The following CYP7B1 variants were observed in gnomAD, a reference collection of about 807,000 sequenced individuals.
The protein encoded by CYP7B1 is cytochrome P450 7B1.
CYP7B1 carries 29 observed loss-of-function variants against 42.7 expected under a neutral mutation model. That is an observed-to-expected ratio of 0.68 (90% CI 0.51 to 0.93). The LOEUF (loss-of-function observed/expected upper bound fraction) is 0.93. Among genes scored for constraint, CYP7B1 ranks in the 40% least tolerant of loss-of-function variants. The pLI, the probability that CYP7B1 is intolerant of heterozygous loss-of-function variation, is 0.00. For synonymous variants in CYP7B1, 235 were observed against 218.2 expected (o/e 1.08, Z -0.68); for missense variants, 655 against 600.5 (o/e 1.09, Z -0.95).
At position 64,594,969 on chromosome 8, in the gene CYP7B1, A is replaced by G. The variant is rs1805095422; in HGVS notation, c.*1673T>C. The stretch of plus-strand genomic sequence containing the variant: ...CAAGCATGAGAAACAGAAAGAAACT[A>G]AGAACATCAAAGACAAAGAGGACAC... On this transcript the variant is annotated 3_prime_UTR_variant, in exon 6 of 6. Transcript: ENST00000310193. Among the ~76,000 whole-genome samples the G allele has an allele frequency of 6.6e-6, 1 of 152,222 alleles. No homozygotes were observed. Among genetic ancestry groups the G allele is most frequent in the Non-Finnish European group, 1.5e-5 (1 of 68,038 alleles).
intron 1 of CYP7B1, among the ~76,000 whole-genome samples, chr8:64,663,556 G>C (rs1425472519): frequency 6.6e-6 from 1 of 152,156 alleles, no homozygotes; most frequent in Non-Finnish European, 1.5e-5. Context: ...TTTTCTAAAA[G>C]ATGCATAAAA....
intron 1 of CYP7B1, among the ~76,000 whole-genome samples, chr8:64,724,907 C>A (rs1032674602): frequency 1.2e-4 from 18 of 152,218 alleles, no homozygotes; most frequent in Non-Finnish European, 1.5e-5. Context: ...ATTACTCTAA[C>A]CTTCCCCTGT....
intron 1 of CYP7B1, among the ~76,000 whole-genome samples, chr8:64,704,761 T>A (rs1806968449): frequency 1.3e-5 from 2 of 152,058 alleles, no homozygotes; most frequent in African/African-American, 4.8e-5. Context: ...ATGGTCTTGA[T>A]CACAACTATC....
At chr8:64,694,339 T>C (rs1271555292) in intron 1 of CYP7B1, among the ~76,000 whole-genome samples, 1 of 152,238 alleles carries the variant, frequency 6.6e-6, no homozygotes, top group African/African-American at 2.4e-5. Flanking sequence ...TGCTTTGTAA[T>C]TTTAAATATG....
chr8:64,653,929 A>G (rs1806079699), intron 1 of CYP7B1, among the ~76,000 whole-genome samples: 1 of 152,194 alleles, frequency 6.6e-6, no homozygotes, highest in African/African-American at 2.4e-5. Context: ...CTTTTGATAA[A>G]ATTCAACACC....
intron 1 of CYP7B1, among the ~76,000 whole-genome samples, chr8:64,735,946 A>G (rs1807481133): frequency 6.6e-6 from 1 of 152,236 alleles, no homozygotes; most frequent in Non-Finnish European, 1.5e-5. Flanking sequence ...AGAAATTTTT[A>G]AAGGCATAAT....
chr8:64,621,762 A>G (rs1367124506), intron 2 of CYP7B1, among the ~76,000 whole-genome samples: 2 of 135,222 alleles, frequency 1.5e-5, no homozygotes, highest in East Asian at 4.2e-4. Context: ...TTTTAGATGG[A>G]GTCTCGTTCT....
chr8:64,690,307 G>C (rs565829657), intron 1 of CYP7B1, among the ~76,000 whole-genome samples: 5 of 152,204 alleles, frequency 3.3e-5, no homozygotes, highest in Non-Finnish European at 5.9e-5. Flanking sequence ...GGAGGATGAA[G>C]TAGGAGGATC....
chr8:64,615,106 A>G lies in CYP7B1; in HGVS notation c.977T>C (p.Leu326Pro). 1 of 1,613,764 alleles carries G rather than the reference A, an allele frequency of 6.2e-7. No homozygotes were observed. Among genetic ancestry groups the G allele is most frequent in the East Asian group, 2.2e-5 (1 of 44,870 alleles). ...AAVRDEIDRL[L>P]QSTGQKKGSG... is the part of the protein sequence containing the mutation. ...CCCTTTCTTTTGACCTGTTGACTGC[A>G]GCAAACGGTCAATTTCGTCACGCAC... Residue 326 changes from leucine (L) to proline (P), a missense_variant, in exon 4 of 6, where the codon CTG becomes CCG. By Grantham distance (98) the Leu-to-Pro change is moderately conservative. Transcript: ENST00000310193.
At chr8:64,619,547 G>T (rs543297600) in intron 2 of CYP7B1, among the ~76,000 whole-genome samples, 2 of 152,256 alleles carry the variant, frequency 1.3e-5, no homozygotes, top group South Asian at 4.1e-4. Flanking sequence ...CTTAGATGCA[G>T]TAAATTTGAA....
At chr8:64,657,974 G>C (rs1585837174) in intron 1 of CYP7B1, among the ~76,000 whole-genome samples, 1 of 152,128 alleles carries the variant, frequency 6.6e-6, no homozygotes, top group East Asian at 1.9e-4. Flanking sequence ...GCAGATCAAG[G>C]CATCGTGTAA....
At chr8:64,627,086 A>C (rs1805620224) in intron 1 of CYP7B1, among the ~76,000 whole-genome samples, 1 of 152,250 alleles carries the variant, frequency 6.6e-6, no homozygotes, top group Non-Finnish European at 1.5e-5. Flanking sequence ...TCTTTTTAGA[A>C]GACAATTTAT....
At chr8:64,640,829 C>G (rs1805841645) in intron 1 of CYP7B1, among the ~76,000 whole-genome samples, 1 of 152,134 alleles carries the variant, frequency 6.6e-6, no homozygotes, top group African/African-American at 2.4e-5. Flanking sequence ...TTCTGACTTT[C>G]TGAAATCAGG....
intron 1 of CYP7B1, among the ~76,000 whole-genome samples, chr8:64,760,776 C>T (rs57948164): frequency 0.081 from 12,260 of 151,900 alleles, 734 homozygotes; most frequent in African/African-American, 0.16. Context: ...ATACCCATTA[C>T]GTAAAACAGT....
chr8:64,656,308 A>G (rs142417348), intron 1 of CYP7B1, among the ~76,000 whole-genome samples: 1 of 152,346 alleles, frequency 6.6e-6, no homozygotes, highest in East Asian at 1.9e-4. Flanking sequence ...CTCCAAGCCC[A>G]AAGTCTGTTC....
At chr8:64,628,012 G>A (rs1226791053) in intron 1 of CYP7B1, among the ~76,000 whole-genome samples, 5 of 152,094 alleles carry the variant, frequency 3.3e-5, no homozygotes, top group African/African-American at 1.2e-4. Context: ...ACTGCCCATG[G>A]CTGAGTAGGG....
At chr8:64,707,558 G>T (rs893551452) in intron 1 of CYP7B1, among the ~76,000 whole-genome samples, 1 of 152,002 alleles carries the variant, frequency 6.6e-6, no homozygotes, top group Non-Finnish European at 1.5e-5. Context: ...ACTGAAAATG[G>T]TATTCACCTG....
chr8:64,718,701 G>A (rs537923884), intron 1 of CYP7B1, among the ~76,000 whole-genome samples: 39 of 152,300 alleles, frequency 2.6e-4, no homozygotes, highest in African/African-American at 8.9e-4. Context: ...GCTTCCTGTG[G>A]GCAGAGTGGT....
At chr8:64,711,503 T>G (rs749035351) in intron 1 of CYP7B1, among the ~76,000 whole-genome samples, 16 of 152,152 alleles carry the variant, frequency 1.1e-4, no homozygotes, top group Non-Finnish European at 1.5e-4. Context: ...CATCTGTCAC[T>G]CTCTGAAATG....
Sources: allele counts gnomAD v4.1 joint callset (sites outside exome capture counted in the v4.1 genomes callset), GRCh38; gene constraint gnomAD v4.1.1; transcripts MANE v1.5; gene names NCBI Gene and HGNC (gene_info 2026-07-23, HGNC 2026-07-21).